Variants in COL3A1 observed in about 807,000 individuals in gnomAD.
COL3A1 encodes the protein collagen alpha-1(III) chain.
A neutral mutation model predicts 200.9 loss-of-function variants in COL3A1; 46 were observed. That is an observed-to-expected ratio of 0.23 (90% CI 0.18 to 0.29). COL3A1 has a LOEUF of 0.29. Ranked by LOEUF, COL3A1 falls within the 10% of genes least tolerant of loss-of-function variation. The probability of loss-of-function intolerance (pLI) is 1.00; values close to 1 mark genes in which losing one functional copy is unlikely to be tolerated. For synonymous variants in COL3A1, 650 were observed against 628.0 expected (o/e 1.03, Z -0.52); for missense variants, 1,367 against 1,917.6 (o/e 0.71, Z 5.36).
intron 6 of COL3A1, among the ~76,000 whole-genome samples, 193 bp downstream of exon 6, chr2:188,988,327 T>A (rs1688106471): frequency 6.6e-6 from 1 of 152,170 alleles, no homozygotes; most frequent in African/African-American, 2.4e-5. Flanking sequence ...TATTAGCAAT[T>A]GAAATCTTGG....
At chr2:189,004,451 C>G in intron 40 of COL3A1, 87 bp downstream of exon 40, 1 of 1,250,510 alleles carries the variant, frequency 8.0e-7, no homozygotes, top group Non-Finnish European at 1.1e-6. Flanking sequence ...AAAAGTTTTT[C>G]TGTCACTGGA....
intron 23 of COL3A1, 71 bp downstream of exon 23, chr2:188,996,249 A>AGTGTGT (rs112143266): frequency 2.2e-6 from 2 of 903,960 alleles, no homozygotes; most frequent in East Asian, 2.9e-5. Context: ...CCTATCCTTG[A>AGTGTGT]GTGTGTGTGT....
chr2:188,990,773 G>C (rs1217932241), intron 10 of COL3A1, among the ~76,000 whole-genome samples: 2 of 152,112 alleles, frequency 1.3e-5, no homozygotes, highest in Non-Finnish European at 2.9e-5. Flanking sequence ...CTACTCTATA[G>C]TTAAGGCAAC....
chr2:188,984,502 A>T (rs770520388), intron 1 of COL3A1, among the ~76,000 whole-genome samples: 42 of 152,042 alleles, frequency 2.8e-4, no homozygotes, highest in Non-Finnish European at 5.0e-4. Flanking sequence ...CTATAAATGA[A>T]ATTAAAATAT....
Position 189,003,719 on chromosome 2 carries a change from A to G in COL3A1, c.2608-15A>G, listed in dbSNP as rs1688522575. The G allele has an allele frequency of 1.2e-6, 2 of 1,613,922 alleles. No homozygotes were observed. Among genetic ancestry groups the G allele is most frequent in the Non-Finnish European group, 1.7e-6 (2 of 1,179,840 alleles). On this transcript the variant is annotated splice_polypyrimidine_tract_variant and intron_variant, in intron 37 of 50. Coordinates refer to ENST00000304636, the MANE Select transcript of COL3A1 (RefSeq NM_000090.4). ...TTCTACTTTTGAAATTCAAAAATAT[A>G]TTACCATTTCACAGGGTGCTGCTGG...
At position 188,999,486 on chromosome 2, in the gene COL3A1, C is replaced by T. The variant is rs1364425945; in HGVS notation, c.2138C>T (p.Pro713Leu). Reference protein sequence around the residue: ...PEGGKGAAGPPGPPGAAGTPG... With the variant: ...PEGGKGAAGPLGPPGAAGTPG... ...TATTTTCAGGGTGCTGCTGGTCCTC[C>T]TGGGCCACCTGGTGCTGCTGGTACT... The change falls in exon 31 of 51, where the codon CCT (proline) becomes CTT (leucine). Residue 713 changes from proline (P) to leucine (L), a missense_variant. Physicochemically the swap from Pro to Leu is moderately conservative, Grantham distance 98. This residue lies in a region of COL3A1 where 846 missense variants were observed against 1,147.9 expected (regional missense o/e 0.74). Coordinates refer to ENST00000304636, the MANE Select transcript of COL3A1 (RefSeq NM_000090.4). 1.2e-6 allele frequency: 2 copies of T among 1,614,066 alleles called. No individual in the cohort carries two copies. The highest frequency in any genetic ancestry group is 1.7e-6 in the Non-Finnish European group (2 of 1,179,998).
At position 189,012,709 on chromosome 2, in the gene COL3A1, C is replaced by A. The variant is rs1688754298; in HGVS notation, c.*935C>A. ...TATGTGGTTGTTGATCTTTTTTTTC[C>A]TTACAGACACCCATAATAAAATATC... On this transcript the variant is annotated 3_prime_UTR_variant, in exon 51 of 51. Coordinates refer to ENST00000304636, the MANE Select transcript of COL3A1 (RefSeq NM_000090.4). 6.6e-6 allele frequency: 1 copy of A among 152,220 alleles called. No individual in the cohort carries two copies. Among genetic ancestry groups the A allele is most frequent in the African/African-American group, 2.4e-5 (1 of 41,334 alleles). 9.4% of individuals were successfully genotyped at this position (152,220 alleles called of 1,614,324 possible). A position where few individuals can be genotyped will look rare whatever the true frequency, so the allele number is the denominator to read the frequency against.
intron 11 of COL3A1, 134 bp from the exon 12 acceptor site, chr2:188,991,353 A>G: frequency 1.5e-6 from 1 of 662,828 alleles, no homozygotes; most frequent in Non-Finnish European, 2.4e-6. Context: ...TAAAATACTA[A>G]CAGAAAATTA....
intron 22 of COL3A1, 80 bp from the exon 23 acceptor site, chr2:188,996,045 C>A: frequency 7.3e-7 from 1 of 1,377,566 alleles, no homozygotes; most frequent in South Asian, 1.2e-5. Flanking sequence ...GTGAAAATAT[C>A]AAAATCATAC....
rs763286494 is a variant in COL3A1 at position 189,005,466 on chromosome 2, C to A, written c.3039+9C>A. On this transcript the variant is annotated intron_variant, in intron 41 of 50. Transcript: ENST00000304636. ...GTGAACCTGGAAGAGATGTGAGTAG[C>A]AGTTTTTATTCAACCAGCCAGGTAG... The A allele has an allele frequency of 6.2e-7, 1 of 1,605,852 alleles. No homozygotes were observed. The highest frequency in any genetic ancestry group is 8.5e-7 in the Non-Finnish European group (1 of 1,172,546).
intron 21 of COL3A1, 109 bp downstream of exon 21, chr2:188,995,208 G>C: frequency 9.0e-7 from 1 of 1,114,680 alleles, no homozygotes; most frequent in East Asian, 2.6e-5. Flanking sequence ...ATATATATTA[G>C]AGTTAAGAAA....
At chr2:188,990,949 C>A in intron 10 of COL3A1, 55 bp from the exon 11 acceptor site, 1 of 1,536,460 alleles carries the variant, frequency 6.5e-7, no homozygotes, top group Non-Finnish European at 9.0e-7. Flanking sequence ...CTTTATCAAT[C>A]ATTCTAGATT....
rs41263751 is a variant in COL3A1 at position 188,996,175 on chromosome 2, T to A, written c.1659T>A (p.Pro553=). The change falls in exon 23 of 51, where the codon CCT becomes CCA. Residue 553 remains proline, a synonymous_variant. Coordinates refer to ENST00000304636, the MANE Select transcript of COL3A1 (RefSeq NM_000090.4). The stretch of plus-strand genomic sequence containing the variant: ...CAGGAAGTGATGGGAAACCAGGGCC[T>A]CCCGTATGTACATTTTTAAAATCTC... ...GGPGSDGKPG[P]PGSQGESGRP... 7.5e-4 allele frequency: 1,212 copies of A among 1,613,294 alleles called. 6 individuals are homozygous for A. In the African/African-American group the frequency reaches 0.014, roughly 19 times the overall value.
At chr2:188,996,214 A>G in intron 23 of COL3A1, 36 bp downstream of exon 23, 1 of 1,577,540 alleles carries the variant, frequency 6.3e-7, no homozygotes. Context: ...TTAAAAGGCC[A>G]GTTAAAATGG....
rs1167361137 is a variant in COL3A1, at chr2:188,994,371, T to C, written c.1293+39T>C. On this transcript the variant is annotated intron_variant, in intron 18 of 50. Transcript: ENST00000304636. This position sits in a 1 kb window ranked among gnomAD's most constrained non-coding sequence, Gnocchi z 4.5. ...TTTTTTCTCTGTTGACTGAAAGGTA[T>C]AGTTTAATTCCATCAACAAAAAATT... 2.5e-6 allele frequency: 4 copies of C among 1,609,538 alleles called. No individual in the cohort carries two copies. The highest frequency in any genetic ancestry group is 4.5e-5 in the East Asian group (2 of 44,872).
At position 189,012,037 on chromosome 2, in the gene COL3A1, TCAACACTCTTTATGATAA is replaced by T; in HGVS notation, c.*271_*288del. 1 of 478,564 alleles carries T rather than the reference TCAACACTCTTTATGATAA, an allele frequency of 2.1e-6. No homozygotes were observed. The highest frequency in any genetic ancestry group is 3.8e-6 in the Non-Finnish European group (1 of 262,952). The allele number at this position is 478,564 out of a possible 1,614,324, so 29.6% of individuals were successfully genotyped here. A position where few individuals can be genotyped will look rare whatever the true frequency, so the allele number is the denominator to read the frequency against. ...TCAATGGTGCTATAATAAATAAACT[TCAACACTCTTTATGATAA>T]CAACACTGTGTTATATTCTTTGAAT... is the stretch of plus-strand genomic sequence containing the variant. On this transcript the variant is annotated 3_prime_UTR_variant, in exon 51 of 51. Transcript: ENST00000304636.
chr2:188,997,819 A>T, intron 27 of COL3A1, 66 bp downstream of exon 27: 1 of 1,366,732 alleles, frequency 7.3e-7, no homozygotes, highest in Non-Finnish European at 1.0e-6. Flanking sequence ...TCCCTAATAG[A>T]TTATAATTTA....
At chr2:188,988,459 G>T in intron 6 of COL3A1, 131 bp from the exon 7 acceptor site, 1 of 696,400 alleles carries the variant, frequency 1.4e-6, no homozygotes. Context: ...AAATAATTTG[G>T]TCTCAATATT....
intron 1 of COL3A1, among the ~76,000 whole-genome samples, chr2:188,983,394 G>A (rs1687995757): frequency 6.6e-6 from 1 of 151,952 alleles, no homozygotes; most frequent in Non-Finnish European, 1.5e-5. Context: ...ATGAGGTGGG[G>A]AAGCAATTGC....
Sources: gnomAD v4.1 joint callset for allele counts (sites outside exome capture counted in the v4.1 genomes callset) on GRCh38, gnomAD v4.1.1 for gene constraint, gnomAD v4.1.1 regional missense constraint, Gnocchi (gnomAD v3.1) non-coding constraint, MANE v1.5 for transcripts, NCBI Gene and HGNC (gene_info 2026-07-23, HGNC 2026-07-21) for gene names.